Variants in BRWD1 observed in about 807,000 individuals in gnomAD.
The protein encoded by BRWD1 is bromodomain and WD repeat-containing protein 1.
In BRWD1, 82 loss-of-function variants were observed where a neutral mutation model predicts 251.2. The ratio of observed to expected loss-of-function variants is 0.33; its 90% CI spans 0.27 to 0.39. The LOEUF (loss-of-function observed/expected upper bound fraction) is 0.39, where lower values mean the gene tolerates loss of function less well. BRWD1 is among the 10% of genes least tolerant of loss of function. The pLI is 1.00. For synonymous variants in BRWD1, 918 were observed against 902.8 expected, an observed-to-expected ratio of 1.02 and a Z score of -0.30; for missense variants, 2,233 against 2,711.6, an observed-to-expected ratio of 0.82 and a Z score of 3.92.
At chr21:39,250,358 G>A (rs1169173655) in intron 20 of BRWD1, among the ~76,000 whole-genome samples, 1 of 151,916 alleles carries the variant, frequency 6.6e-6, no homozygotes, top group African/African-American at 2.4e-5. Flanking sequence ...GATAAAAAAG[G>A]AGAAAAATCA....
chr21:39,317,894 A>G (rs1274156568), upstream of BRWD1, among the ~76,000 whole-genome samples: 2 of 152,094 alleles, frequency 1.3e-5, no homozygotes, highest in Non-Finnish European at 2.9e-5. Context: ...ACAAAAAATT[A>G]AAAACTTAGT....
At chr21:39,206,453 C>T (rs1217818273) in intron 36 of BRWD1, among the ~76,000 whole-genome samples, 179 bp from the exon 37 acceptor site, 1 of 152,186 alleles carries the variant, frequency 6.6e-6, no homozygotes, top group African/African-American at 2.4e-5. Context: ...TAAGAAGTAT[C>T]AAATACATAC....
At chr21:39,249,414 TTACA>T (rs1160155522) in intron 20 of BRWD1, among the ~76,000 whole-genome samples, 1 of 152,244 alleles carries the variant, frequency 6.6e-6, no homozygotes, top group South Asian at 2.1e-4. Context: ...TTTTTAATGT[TTACA>T]TAATTTGTTG....
At chr21:39,242,377 T>C (rs1031625143) in intron 21 of BRWD1, among the ~76,000 whole-genome samples, 1 of 152,148 alleles carries the variant, frequency 6.6e-6, no homozygotes, top group Non-Finnish European at 1.5e-5. Flanking sequence ...TTTAATTCTA[T>C]GAAGGCTGAG....
At chr21:39,312,402 G>A (rs564764012) in intron 4 of BRWD1, among the ~76,000 whole-genome samples, 77 of 152,394 alleles carry the variant, frequency 5.1e-4, no homozygotes, top group African/African-American at 1.8e-3. Context: ...CACCTTCAGA[G>A]ACCAATGATT....
intron 25 of BRWD1, among the ~76,000 whole-genome samples, chr21:39,231,463 G>T (rs1252388941): frequency 6.6e-6 from 1 of 152,126 alleles, no homozygotes; most frequent in Non-Finnish European, 1.5e-5. Flanking sequence ...CACTATTGTG[G>T]AATATCTGAA....
chr21:39,315,011 T>C (rs762909704), upstream of BRWD1: 1 of 152,204 alleles, frequency 6.6e-6, no homozygotes, highest in Non-Finnish European at 1.5e-5. Context: ...CAAAAGCTTT[T>C]ATTTATTTTG....
chr21:39,226,551 T>G (rs1163358728), intron 27 of BRWD1, among the ~76,000 whole-genome samples: 1 of 152,204 alleles, frequency 6.6e-6, no homozygotes, highest in Admixed American at 6.5e-5. Context: ...TTACACCTCA[T>G]GGGAGCTGAA....
At chr21:39,313,045 G>T (rs1381182823) in intron 3 of BRWD1, 27 bp downstream of exon 3, 1 of 1,374,732 alleles carries the variant, frequency 7.3e-7, no homozygotes, top group African/African-American at 1.5e-5. Flanking sequence ...GGAACCCGAG[G>T]GAGCGCGGGG....
intron 37 of BRWD1, among the ~76,000 whole-genome samples, chr21:39,203,754 T>C (rs915936147): frequency 4.0e-5 from 6 of 151,132 alleles, no homozygotes; most frequent in Admixed American, 6.6e-5. Context: ...AAGTGGTATC[T>C]AGACATTGAA....
intron 20 of BRWD1, 112 bp downstream of exon 20, chr21:39,250,684 G>A: frequency 1.5e-6 from 1 of 672,004 alleles, no homozygotes; most frequent in Non-Finnish European, 2.4e-6. Context: ...AAAACCTTAA[G>A]CAAGAAATAC....
chr21:39,292,126 TGGGGGTGGGGGGG>T lies in BRWD1; in HGVS notation c.831+1672_831+1684del, dbSNP rs914203480. Among the ~76,000 whole-genome samples, 9 of 9,226 alleles carry T rather than the reference TGGGGGTGGGGGGG, an allele frequency of 9.8e-4. No individual in the cohort carries two copies. The South Asian group carries it at 0.087, about 89-fold the overall frequency. 6.1% of individuals were successfully genotyped at this position (9,226 alleles called of 152,430 possible). On this transcript the variant is annotated intron_variant, in intron 8 of 40. Coordinates refer to ENST00000342449, the MANE Select transcript of BRWD1 (RefSeq NM_033656.4). ...CAAACTATTTTTTGTGGGGGGTGGG[TGGGGGTGGGGGGG>T]GGGGTCTCACTAAGTTGCCCAGGCC...
Position 39,187,072 on chromosome 21 carries a change from AT to A in BRWD1, c.*9186del, listed in dbSNP as rs1339104060. The stretch of plus-strand genomic sequence containing the variant: ...GGATCTGAACCCCCTTAAAAAAAGC[AT>A]TTTTCTATTAATATCTTCTAGCTCT... On this transcript the variant is annotated 3_prime_UTR_variant, in exon 41 of 41. Transcript: ENST00000342449. The A allele has an allele frequency of 6.3e-7, 1 of 1,592,338 alleles. No homozygotes were observed. Among genetic ancestry groups the A allele is most frequent in the Non-Finnish European group, 8.5e-7 (1 of 1,174,026 alleles).
At position 39,312,894 on chromosome 21, in the gene BRWD1, G is replaced by A; in HGVS notation, c.145C>T (p.Pro49Ser). The A allele has an allele frequency of 1.3e-6, 2 of 1,517,012 alleles. No homozygotes were observed. The highest frequency in any genetic ancestry group is 1.1e-5 in the South Asian group (1 of 87,496). The allele number at this position is 1,517,012 out of a possible 1,614,324, so 94.0% of individuals were successfully genotyped here. The change falls in exon 4 of 41, where the codon CCG (proline) becomes TCG (serine). Residue 49 changes from proline (P) to serine (S), a missense_variant. Physicochemically the swap from Pro to Ser is moderately conservative, Grantham distance 74. Coordinates refer to ENST00000342449, the MANE Select transcript of BRWD1 (RefSeq NM_033656.4). ...TTGCCCTCCCAGTCCAATCTCTTCG[G>A]CAACAACTGGAAAGACACGAAACGC... Reference protein sequence around the residue: ...VQELEQYQLLPKRLDWEGNEH... With the variant: ...VQELEQYQLLSKRLDWEGNEH...
chr21:39,194,926 C>T lies in BRWD1; in HGVS notation c.*1333G>A, dbSNP rs2031733410. On this transcript the variant is annotated 3_prime_UTR_variant, in exon 41 of 41. Coordinates refer to ENST00000342449, the MANE Select transcript of BRWD1 (RefSeq NM_033656.4). ...TTACAGGTGGGGTACTGTAACATAT[C>T]CCTTACCCACTAAATATGTAAACCA... is the stretch of plus-strand genomic sequence containing the variant. The T allele has an allele frequency of 6.7e-6, 10 of 1,488,202 alleles. No individual in the cohort carries two copies. In the Middle Eastern group the frequency reaches 5.5e-4, roughly 82 times the overall value. The allele number at this position is 1,488,202 out of a possible 1,614,324, so 92.2% of individuals were successfully genotyped here.
At chr21:39,260,847 A>G (rs1247127368) in intron 17 of BRWD1, among the ~76,000 whole-genome samples, 1 of 152,234 alleles carries the variant, frequency 6.6e-6, no homozygotes, top group Non-Finnish European at 1.5e-5. Context: ...TAAAATACGC[A>G]GGACTGAATA....
intron 6 of BRWD1, 129 bp from the exon 7 acceptor site, chr21:39,296,032 TCCCAATTCTATTC>T: frequency 1.3e-6 from 1 of 784,490 alleles, no homozygotes; most frequent in East Asian, 3.0e-5. Flanking sequence ...CACAATTTCT[TCCCAATTCTATTC>T]TTCTGTATTC....
Position 39,293,796 on chromosome 21 carries a change from A to G in BRWD1, c.831+15T>C, listed in dbSNP as rs1421644888. On this transcript the variant is annotated intron_variant, in intron 8 of 40. Transcript: ENST00000342449. Reference sequence around the variant, plus strand: ...AAATACATATAGGAATGTGCCCACTAAGCTACAAGTTTACCTGTAAAGATG... The same window carrying G: ...AAATACATATAGGAATGTGCCCACTGAGCTACAAGTTTACCTGTAAAGATG... 3 of 1,602,774 alleles carry G rather than the reference A, an allele frequency of 1.9e-6. No homozygotes were observed. Among genetic ancestry groups the G allele is most frequent in the African/African-American group, 1.3e-5 (1 of 74,684 alleles).
chr21:39,225,195 C>G lies in BRWD1; in HGVS notation c.3211G>C (p.Asp1071His), dbSNP rs1280196886. 6.2e-7 allele frequency: 1 copy of G among 1,604,352 alleles called. No individual in the cohort carries two copies. ...TCATCAATAATAGAGCGGAATCTGT[C>G]ACCTAGGAGAGAAATGATCAAGTCT... is the stretch of plus-strand genomic sequence containing the variant. ...EARQRNWQSC[D>H]RFRSIIDDAW... The change falls in exon 28 of 41, where the codon GAC (aspartate) becomes CAC (histidine). Residue 1071 changes from aspartate to histidine, a missense_variant and splice_region_variant. This residue lies in a region of BRWD1 where 139 missense variants were observed against 272.8 expected (regional missense o/e 0.51). Coordinates refer to ENST00000342449, the MANE Select transcript of BRWD1 (RefSeq NM_033656.4).
Sources: allele counts gnomAD v4.1 joint callset (sites outside exome capture counted in the v4.1 genomes callset), GRCh38; gene constraint gnomAD v4.1.1; regional missense constraint gnomAD v4.1.1; transcripts MANE v1.5; gene names NCBI Gene and HGNC (gene_info 2026-07-23, HGNC 2026-07-21).